The following CREB5 variants were observed in gnomAD, a reference collection of about 807,000 sequenced individuals.
The protein encoded by CREB5 is cAMP responsive element binding protein 5.
A neutral mutation model predicts 57.1 loss-of-function variants in CREB5; 19 were observed. The ratio of observed to expected loss-of-function variants is 0.33; its 90% CI spans 0.23 to 0.49. The LOEUF (loss-of-function observed/expected upper bound fraction) is 0.49. CREB5 is among the 20% of genes least tolerant of loss of function. The probability of loss-of-function intolerance (pLI) is 0.99; values close to 1 mark genes in which losing one functional copy is unlikely to be tolerated. For synonymous variants in CREB5, 238 were observed against 238.3 expected, an observed-to-expected ratio of 1.00 and a Z score of 0.01; for missense variants, 579 against 671.6, an observed-to-expected ratio of 0.86 and a Z score of 1.52.
intron 1 of CREB5, among the ~76,000 whole-genome samples, chr7:28,362,850 A>G (rs1403903649): frequency 6.6e-6 from 1 of 152,210 alleles, no homozygotes; most frequent in Non-Finnish European, 1.5e-5. Flanking sequence ...GACACCCCTG[A>G]GGCTCAGTTT....
At chr7:28,450,737 T>C (rs1243766582) in intron 1 of CREB5, among the ~76,000 whole-genome samples, 1 of 152,232 alleles carries the variant, frequency 6.6e-6, no homozygotes, top group African/African-American at 2.4e-5. Context: ...CAGATTTGTC[T>C]TAAGTCTTGG....
rs532629583 is a variant in CREB5 at position 28,568,145 on chromosome 7, T to C, written c.292-2220T>C. On this transcript the variant is annotated intron_variant, in intron 4 of 10. Coordinates refer to ENST00000357727, the MANE Select transcript of CREB5 (RefSeq NM_182898.4). ...ATTGGAAGAGATGAGGGACACTTAG[T>C]TAAATTTGTAGGACTTGGAAACTGC... Among the ~76,000 whole-genome samples, 33 of 152,266 alleles carry C rather than the reference T, an allele frequency of 2.2e-4. No individual in the cohort carries two copies. In the South Asian group the frequency reaches 6.6e-3, roughly 31 times the overall value.
intron 5 of CREB5, among the ~76,000 whole-genome samples, chr7:28,620,920 A>T (rs1356214168): frequency 6.6e-6 from 1 of 152,200 alleles, no homozygotes; most frequent in Non-Finnish European, 1.5e-5. Context: ...AAACCCAATA[A>T]GAAGTCCCTA....
intron 7 of CREB5, among the ~76,000 whole-genome samples, chr7:28,764,359 T>TAA (rs397740035): frequency 2.1e-3 from 315 of 148,210 alleles, no homozygotes; most frequent in South Asian, 5.5e-3. Flanking sequence ...AATTCTCCTG[T>TAA]AAAAAAAAAA....
At chr7:28,625,377 G>A (rs1359783861) in intron 5 of CREB5, among the ~76,000 whole-genome samples, 2 of 152,168 alleles carry the variant, frequency 1.3e-5, no homozygotes, top group East Asian at 1.9e-4. Flanking sequence ...TACGGGAAGT[G>A]CAAAGGACAA....
chr7:28,353,595 G>A (rs1030849361), intron 1 of CREB5, among the ~76,000 whole-genome samples: 3 of 152,102 alleles, frequency 2.0e-5, no homozygotes, highest in Non-Finnish European at 4.4e-5. Flanking sequence ...TGTAATCCCA[G>A]CACTTTGGGA....
chr7:28,662,437 C>T (rs1004317307), intron 5 of CREB5, among the ~76,000 whole-genome samples: 16 of 152,210 alleles, frequency 1.1e-4, no homozygotes, highest in African/African-American at 3.4e-4. Context: ...AGTGCGCTCT[C>T]GTGCTTGCCT....
At chr7:28,424,465 G>A (rs1238782141) in intron 1 of CREB5, among the ~76,000 whole-genome samples, 1 of 152,164 alleles carries the variant, frequency 6.6e-6, no homozygotes, top group Non-Finnish European at 1.5e-5. Flanking sequence ...ACAAGTCTTC[G>A]GAGATGGGGA....
Position 28,816,055 on chromosome 7 carries a change from GCACACACACA to G in CREB5, c.1255-1995_1255-1986del, listed in dbSNP as rs34917973. 3.0e-3 allele frequency among the ~76,000 whole-genome samples: 437 copies of G among 145,336 alleles called. 1 individual carries two copies. The highest frequency in any genetic ancestry group is 4.6e-3 in the Non-Finnish European group (306 of 66,002). On this transcript the variant is annotated intron_variant, in intron 9 of 10. Transcript: ENST00000357727. ...ATTTCCTTCTGAAGCAAATATATAC[GCACACACACA>G]CACACACACACACACACACATAAAC... is the stretch of plus-strand genomic sequence containing the variant.
intron 4 of CREB5, among the ~76,000 whole-genome samples, chr7:28,542,485 T>C (rs1794247045): frequency 6.6e-6 from 1 of 152,198 alleles, no homozygotes; most frequent in African/African-American, 2.4e-5. Context: ...TATGAACAAC[T>C]CTGTTAAATC....
intron 6 of CREB5, among the ~76,000 whole-genome samples, chr7:28,721,604 G>A (rs187952939): frequency 5.5e-4 from 84 of 152,240 alleles, no homozygotes; most frequent in African/African-American, 1.9e-3. Context: ...GCATGCTGCT[G>A]GACCACACAT....
At chr7:28,569,554 A>G (rs1795615629) in intron 4 of CREB5, among the ~76,000 whole-genome samples, 1 of 152,246 alleles carries the variant, frequency 6.6e-6, no homozygotes, top group Admixed American at 6.5e-5. Flanking sequence ...TGACTCAGAC[A>G]TCTCATGTTC....
intron 4 of CREB5, among the ~76,000 whole-genome samples, chr7:28,560,973 CGTGT>C (rs1201099608): frequency 0.36 from 11,377 of 31,552 alleles, 2,897 homozygotes; most frequent in East Asian, 0.69. Context: ...TGTGTGTGTG[CGTGT>C]GTGCGTGCGT....
At position 28,813,696 on chromosome 7, in the gene CREB5, A is replaced by G. The variant is rs569224470; in HGVS notation, c.1254+4282A>G. ...ACATCCCCAAAGCTGAACACTGCAA[A>G]TGTAGCTATTAGGGACTTGTTGGAG... On this transcript the variant is annotated intron_variant, in intron 9 of 10. Coordinates refer to ENST00000357727, the MANE Select transcript of CREB5 (RefSeq NM_182898.4). Among the ~76,000 whole-genome samples, 979 of 152,310 alleles carry G rather than the reference A, an allele frequency of 6.4e-3. 9 individuals are homozygous for G. Among genetic ancestry groups the G allele is most frequent in the African/African-American group, 0.022 (932 of 41,568 alleles).
intron 1 of CREB5, among the ~76,000 whole-genome samples, chr7:28,389,399 C>A (rs1483442355): frequency 1.3e-5 from 2 of 152,182 alleles, no homozygotes; most frequent in Non-Finnish European, 2.9e-5. Flanking sequence ...CAAACACACA[C>A]ACACGCACAC....
chr7:28,543,242 T>C (rs1794277060), intron 4 of CREB5, among the ~76,000 whole-genome samples: 1 of 152,220 alleles, frequency 6.6e-6, no homozygotes, highest in African/African-American at 2.4e-5. Flanking sequence ...AAATGAAAAG[T>C]AAAGTTTCCT....
chr7:28,464,772 G>A (rs1025359507), intron 1 of CREB5, among the ~76,000 whole-genome samples: 3 of 151,404 alleles, frequency 2.0e-5, no homozygotes, highest in African/African-American at 2.4e-5. Context: ...CCTGAATGAC[G>A]CAGTTATGCA....
chr7:28,322,825 C>T (rs1052802032), intron 1 of CREB5, among the ~76,000 whole-genome samples: 3 of 152,104 alleles, frequency 2.0e-5, no homozygotes, highest in African/African-American at 7.2e-5. Flanking sequence ...TGTATATGTG[C>T]CACATTGTCT....
chr7:28,312,660 A>T (rs2127981957), intron 1 of CREB5, among the ~76,000 whole-genome samples: 1 of 152,306 alleles, frequency 6.6e-6, no homozygotes, highest in East Asian at 1.9e-4. Context: ...TAAGGTTGTT[A>T]TGGAGACTAA....
Sources: allele counts gnomAD v4.1 joint callset (sites outside exome capture counted in the v4.1 genomes callset), GRCh38; gene constraint gnomAD v4.1.1; transcripts MANE v1.5; gene names NCBI Gene and HGNC (gene_info 2026-07-23, HGNC 2026-07-21).